The following CLDN10 variants were observed in gnomAD, a reference collection of about 807,000 sequenced individuals.
The protein encoded by CLDN10 is claudin-10.
CLDN10 carries 15 observed loss-of-function variants against 22.9 expected under a neutral mutation model. The observed-to-expected ratio is 0.65, with a 90% CI of 0.44 to 1.01. CLDN10 has a LOEUF of 1.01. Ranked by LOEUF, CLDN10 falls within the 50% of genes least tolerant of loss-of-function variation. The pLI, the probability that CLDN10 is intolerant of heterozygous loss-of-function variation, is 0.00. For synonymous variants in CLDN10, 114 were observed against 111.4 expected, an observed-to-expected ratio of 1.02 and a Z score of -0.15; for missense variants, 247 against 287.8, an observed-to-expected ratio of 0.86 and a Z score of 1.03.
intron 1 of CLDN10, chr13:95,479,490 A>AT (rs1262967768): frequency 2.0e-5 from 3 of 152,200 alleles, no homozygotes; most frequent in Non-Finnish European, 2.9e-5. Context: ...TACTAAGGCT[A>AT]TTTTTTAAAA....
At chr13:95,510,582 G>A (rs1432076483) in intron 1 of CLDN10, among the ~76,000 whole-genome samples, 1 of 151,962 alleles carries the variant, frequency 6.6e-6, no homozygotes, top group African/African-American at 2.4e-5. Flanking sequence ...TATTTATTAA[G>A]CCTTTGCTCA....
chr13:95,484,385 G>A (rs1222978962), intron 1 of CLDN10, among the ~76,000 whole-genome samples: 1 of 152,176 alleles, frequency 6.6e-6, no homozygotes. Context: ...TTTGTTCCAT[G>A]TAGAATCTAT....
In CLDN10 at chr13:95,434,032, A is replaced by G. The variant is rs1434172775; in HGVS notation, c.199A>G (p.Ile67Val). The G allele has an allele frequency of 7.4e-6, 12 of 1,613,866 alleles. No individual in the cohort carries two copies. In the Admixed American group the frequency reaches 1.5e-4, roughly 20 times the overall value. ...TTTCCATTGCCGACCGCATTTTACT[A>G]TCTTCAAAGTAGCAGGTAAATATAA... Residue 67 changes from isoleucine to valine, a missense_variant, in exon 1 of 5, where the codon ATC becomes GTC. Coordinates refer to the CLDN10 transcript ENST00000376873.
chr13:95,483,542 C>T (rs2042772149), intron 1 of CLDN10, among the ~76,000 whole-genome samples: 1 of 152,148 alleles, frequency 6.6e-6, no homozygotes, highest in Non-Finnish European at 1.5e-5. Context: ...GTTGTATCCC[C>T]AGAAACCAGA....
At chr13:95,450,017 C>T (rs1374136035) in intron 1 of CLDN10, among the ~76,000 whole-genome samples, 1 of 152,188 alleles carries the variant, frequency 6.6e-6, no homozygotes, top group Non-Finnish European at 1.5e-5. Flanking sequence ...GCTGGGATTA[C>T]AGGCGTGAGC....
chr13:95,463,286 ATATAT>A lies in CLDN10; in HGVS notation c.214+29240_214+29244del, dbSNP rs1356141901. On this transcript the variant is annotated intron_variant, in intron 1 of 4. Transcript: ENST00000376873. Reference sequence around the variant, plus strand: ...GTTGAGTCAAAAGTGCAAATGCTTAATATATATATATATATATATATATATATATA... The same window carrying A: ...GTTGAGTCAAAAGTGCAAATGCTTAAATATATATATATATATATATATATA... 2.7e-3 allele frequency among the ~76,000 whole-genome samples: 60 copies of A among 22,322 alleles called. 5 individuals are homozygous for A. The highest frequency in any genetic ancestry group is 5.0e-3 in the African/African-American group (9 of 1,818). 14.6% of individuals were successfully genotyped at this position (22,322 alleles called of 152,430 possible).
rs192349852 is a variant in CLDN10, at chr13:95,543,597, G to T, written c.215-16535G>T. Among the ~76,000 whole-genome samples the T allele has an allele frequency of 4.5e-3, 680 of 152,058 alleles. 1 individual carries two copies. The highest frequency in any genetic ancestry group is 6.3e-3 in the Non-Finnish European group (431 of 67,962). On this transcript the variant is annotated intron_variant, in intron 1 of 4. Coordinates refer to the CLDN10 transcript ENST00000376873. ...ATAAAGTTTATGAATTTAGGAAAAT[G>T]CAGTATGTTTTTCTATTAGTTTATT...
chr13:95,554,914 T>C (rs1478812406), intron 1 of CLDN10, among the ~76,000 whole-genome samples: 1 of 152,214 alleles, frequency 6.6e-6, no homozygotes, highest in African/African-American at 2.4e-5. Flanking sequence ...TCCATTCCAC[T>C]GAGAAATGGT....
chr13:95,502,118 A>G (rs77761759), intron 1 of CLDN10, among the ~76,000 whole-genome samples: 11,780 of 152,186 alleles, frequency 0.077, 496 homozygotes, highest in Non-Finnish European at 0.086. Flanking sequence ...ACTTCCGCAC[A>G]TGTTAAAAGG....
chr13:95,536,092 T>C (rs2043397243), intron 1 of CLDN10, among the ~76,000 whole-genome samples: 1 of 152,018 alleles, frequency 6.6e-6, no homozygotes, highest in African/African-American at 2.4e-5. Context: ...ACAAGTCTAT[T>C]GAGATGGTCA....
At chr13:95,536,452 A>G (rs1237466748) in intron 1 of CLDN10, among the ~76,000 whole-genome samples, 1 of 152,168 alleles carries the variant, frequency 6.6e-6, no homozygotes, top group African/African-American at 2.4e-5. Flanking sequence ...CTGTCTCAAA[A>G]AAAGAAAAAA....
rs1047470693 is a variant in CLDN10, at chr13:95,532,102, C to A, written c.215-28030C>A. ...AATATCATCATGACTTGGGGGTAGGCAAAGGTTTCATAAGATAGGTCATAA... is the reference window on the plus strand; with the variant it reads ...AATATCATCATGACTTGGGGGTAGGAAAAGGTTTCATAAGATAGGTCATAA... On this transcript the variant is annotated intron_variant, in intron 1 of 4. Coordinates refer to the CLDN10 transcript ENST00000376873. Among the ~76,000 whole-genome samples, 3 of 151,936 alleles carry A rather than the reference C, an allele frequency of 2.0e-5. No homozygotes were observed. The South Asian group carries it at 6.3e-4, about 32-fold the overall frequency.
At chr13:95,443,471 C>T (rs747279193) in intron 1 of CLDN10, among the ~76,000 whole-genome samples, 1 of 152,158 alleles carries the variant, frequency 6.6e-6, no homozygotes, top group Non-Finnish European at 1.5e-5. Context: ...GTTTTATACT[C>T]GTCGATCCCG....
Position 95,578,086 on chromosome 13 carries a change from G to C in CLDN10, c.*72G>C. On this transcript the variant is annotated 3_prime_UTR_variant, in exon 5 of 5. Transcript: ENST00000299339. ...CTGTTCACAAAATGATCCCATCAAG[G>C]CCCTCCCATAATTAACACTCAAAAC... 1.3e-6 allele frequency: 1 copy of C among 787,082 alleles called. No homozygotes were observed. The highest frequency in any genetic ancestry group is 2.1e-6 in the Non-Finnish European group (1 of 476,062). 48.8% of individuals were successfully genotyped at this position (787,082 alleles called of 1,614,324 possible). A position where few individuals can be genotyped will look rare whatever the true frequency, so the allele number is the denominator to read the frequency against.
At chr13:95,571,352 A>T (rs573103623) in intron 3 of CLDN10, among the ~76,000 whole-genome samples, 21 of 152,290 alleles carry the variant, frequency 1.4e-4, no homozygotes, top group Non-Finnish European at 2.4e-4. Flanking sequence ...TCCTAAATGT[A>T]AGAATTCTCT....
intron 1 of CLDN10, among the ~76,000 whole-genome samples, chr13:95,526,389 AC>A (rs1273917314): frequency 3.2e-4 from 49 of 152,340 alleles, no homozygotes; most frequent in Admixed American, 3.0e-3. Flanking sequence ...GGACTTGTCC[AC>A]TGAGAAGCTC....
At chr13:95,527,431 T>C (rs35201733) in intron 1 of CLDN10, among the ~76,000 whole-genome samples, 1 of 151,986 alleles carries the variant, frequency 6.6e-6, no homozygotes, top group Non-Finnish European at 1.5e-5. Context: ...AATTCTGATA[T>C]AGAAAAAACA....
intron 1 of CLDN10, among the ~76,000 whole-genome samples, chr13:95,506,622 G>A (rs1014332348): frequency 1.3e-5 from 2 of 152,150 alleles, no homozygotes; most frequent in African/African-American, 4.8e-5. Flanking sequence ...TGCTCAAGGT[G>A]GACCCGTTCC....
intron 1 of CLDN10, among the ~76,000 whole-genome samples, chr13:95,467,118 C>A (rs1310507146): frequency 6.6e-6 from 1 of 151,304 alleles, no homozygotes; most frequent in Non-Finnish European, 1.5e-5. Flanking sequence ...ACTTCATGAT[C>A]TGCCCACCTC....
Sources: gnomAD v4.1 joint callset for allele counts (sites outside exome capture counted in the v4.1 genomes callset) on GRCh38, gnomAD v4.1.1 for gene constraint, MANE v1.5 for transcripts, NCBI Gene and HGNC (gene_info 2026-07-23, HGNC 2026-07-21) for gene names.